Variants in IQGAP3 observed in about 807,000 individuals in gnomAD.
IQGAP3 encodes IQ motif containing GTPase activating protein 3.
A neutral mutation model predicts 208.2 loss-of-function variants in IQGAP3; 165 were observed. That is an observed-to-expected ratio of 0.79 (90% CI 0.70 to 0.90). The LOEUF (loss-of-function observed/expected upper bound fraction) is 0.90. Among genes scored for constraint, IQGAP3 ranks in the 40% least tolerant of loss-of-function variants. IQGAP3 has a pLI of 0.00. For missense variants in IQGAP3, 1,811 were observed against 2,043.1 expected (o/e 0.89, Z 2.19); for synonymous variants, 703 against 803.6 (o/e 0.87, Z 2.12).
At chr1:156,565,343 G>T (rs929214987) in intron 4 of IQGAP3, among the ~76,000 whole-genome samples, 1 of 152,208 alleles carries the variant, frequency 6.6e-6, no homozygotes, top group East Asian at 1.9e-4. Context: ...GACCTAGAGT[G>T]TTCCAGTCCC....
chr1:156,537,836 T>C (rs933167206), intron 26 of IQGAP3, among the ~76,000 whole-genome samples: 8 of 151,930 alleles, frequency 5.3e-5, no homozygotes, highest in Admixed American at 1.3e-4. Flanking sequence ...CATCTGTAAA[T>C]AGAAATATTC....
At chr1:156,551,457 T>C (rs1675542009) in intron 15 of IQGAP3, among the ~76,000 whole-genome samples, 1 of 152,168 alleles carries the variant, frequency 6.6e-6, no homozygotes, top group African/African-American at 2.4e-5. Flanking sequence ...CAAGGTCACA[T>C]GGTCACTAAG....
chr1:156,559,630 C>T (rs1676055405), intron 11 of IQGAP3, among the ~76,000 whole-genome samples: 1 of 152,178 alleles, frequency 6.6e-6, no homozygotes, highest in South Asian at 2.1e-4. Flanking sequence ...GGAGACAGCT[C>T]TGGAGAATGT....
chr1:156,547,994 G>A (rs1484541768), intron 19 of IQGAP3, 79 bp downstream of exon 19: 2 of 1,311,280 alleles, frequency 1.5e-6, no homozygotes, highest in Non-Finnish European at 2.1e-6. Context: ...TCCCATGTCA[G>A]TAAAAAGGAA....
chr1:156,533,162 C>T, intron 31 of IQGAP3, 56 bp from the exon 32 acceptor site: 1 of 1,584,594 alleles, frequency 6.3e-7, no homozygotes, highest in Non-Finnish European at 8.6e-7. Flanking sequence ...CATGCGCACA[C>T]ACACATACAC....
chr1:156,540,942 G>A (rs761035288), intron 22 of IQGAP3, 26 bp from the exon 23 acceptor site: 1 of 1,587,548 alleles, frequency 6.3e-7, no homozygotes. Flanking sequence ...GAGGCATCAG[G>A]ATTAGCCATG....
At chr1:156,530,371 A>C in intron 33 of IQGAP3, 54 bp from the exon 34 acceptor site, 1 of 1,497,748 alleles carries the variant, frequency 6.7e-7, no homozygotes. Flanking sequence ...TTCTGCTCCC[A>C]CACCAGTGAA....
At chr1:156,542,952 T>C (rs1571328589) in intron 22 of IQGAP3, among the ~76,000 whole-genome samples, 1 of 142,218 alleles carries the variant, frequency 7.0e-6, no homozygotes, top group South Asian at 2.4e-4. Flanking sequence ...AATAAACAAA[T>C]AAATAAATAA....
At chr1:156,569,328 G>C in intron 2 of IQGAP3, 48 bp downstream of exon 2, 1 of 1,231,286 alleles carries the variant, frequency 8.1e-7, no homozygotes, top group Non-Finnish European at 1.2e-6. Context: ...AGGGTGGGGT[G>C]GTAGAAAGGG....
In IQGAP3 at chr1:156,569,457, C is replaced by T. The variant is rs367752070; in HGVS notation, c.44G>A (p.Arg15His). The change falls in exon 2 of 38, where the codon CGC becomes CAC. Residue 15 changes from arginine to histidine, a missense_variant. By Grantham distance (29) the Arg-to-His change is conservative. Transcript: ENST00000361170. ...CTCATCCATCTCCTCAGCTGTGAGG[C>T]GTTCATCTGAGGAGTTAAACGGGAT... ...AAGPGWAAYE[R>H]LTAEEMDEQR... The T allele has an allele frequency of 5.5e-5, 88 of 1,592,772 alleles. No homozygotes were observed. The highest frequency in any genetic ancestry group is 6.9e-5 in the Non-Finnish European group (80 of 1,167,686).
At position 156,566,409 on chromosome 1, in the gene IQGAP3, A is replaced by T; in HGVS notation, c.263T>A (p.Val88Glu). The change falls in exon 3 of 38, where the codon GTG becomes GAG. Residue 88 changes from valine (V) to glutamate (E), a missense_variant. Transcript: ENST00000361170. ...TCCCACCTGGTACCGCAGCTGCTCC[A>T]CATCGTAGATCTTCTTCAAGGGAAC... Reference protein sequence around the residue: ...SVVPLKKIYDVEQLRYQATGL... With the variant: ...SVVPLKKIYDEEQLRYQATGL... 1 of 1,614,196 alleles carries T rather than the reference A, an allele frequency of 6.2e-7. No homozygotes were observed. Among genetic ancestry groups the T allele is most frequent in the Non-Finnish European group, 8.5e-7 (1 of 1,180,018 alleles).
At chr1:156,547,122 G>T (rs1398393873) in intron 19 of IQGAP3, among the ~76,000 whole-genome samples, 1 of 150,222 alleles carries the variant, frequency 6.7e-6, no homozygotes, top group Non-Finnish European at 1.5e-5. Flanking sequence ...TTCCTGGCTT[G>T]CTTGCACAGT....
chr1:156,570,880 T>C (rs759388425), intron 1 of IQGAP3, among the ~76,000 whole-genome samples: 18 of 152,158 alleles, frequency 1.2e-4, no homozygotes, highest in Admixed American at 3.3e-4. Context: ...AGCCCATGCA[T>C]AAAATCTATG....
At position 156,539,047 on chromosome 1, in the gene IQGAP3, G is replaced by C. The variant is rs1301656312; in HGVS notation, c.3057-14C>G. The C allele has an allele frequency of 1.2e-6, 2 of 1,607,174 alleles. No individual in the cohort carries two copies. The highest frequency in any genetic ancestry group is 4.5e-5 in the East Asian group (2 of 44,686). Reference sequence around the variant, plus strand: ...TCCACCTTTGACCTGTGGTTTAAGAGGTCATTGAAACCAGTCTTCTGCCTC... The same window carrying C: ...TCCACCTTTGACCTGTGGTTTAAGACGTCATTGAAACCAGTCTTCTGCCTC... On this transcript the variant is annotated splice_polypyrimidine_tract_variant and intron_variant, in intron 25 of 37. Coordinates refer to ENST00000361170, the MANE Select transcript of IQGAP3 (RefSeq NM_178229.5).
rs1557917213 is a variant in IQGAP3 at position 156,531,235 on chromosome 1, C to A, written c.4116G>T (p.Leu1372=). Residue 1372 remains leucine, a synonymous_variant, in exon 33 of 38, where the codon CTG becomes CTT. Transcript: ENST00000361170. ...GATGGAACTGTATGATATCGGCCAA[C>A]AGCTGCTTGGTGCTGCACAAGGAGG... The part of the protein sequence containing the change: ...TRSLLLSTKQ[L]LADIIQFHPG... 1 of 1,613,726 alleles carries A rather than the reference C, an allele frequency of 6.2e-7. No individual in the cohort carries two copies. The highest frequency in any genetic ancestry group is 8.5e-7 in the Non-Finnish European group (1 of 1,179,760).
Position 156,539,418 on chromosome 1 carries a change from A to C in IQGAP3, c.3012T>G (p.Tyr1004Ter). 1 of 1,614,084 alleles carries C rather than the reference A, an allele frequency of 6.2e-7. No individual in the cohort carries two copies. Among genetic ancestry groups the C allele is most frequent in the Non-Finnish European group, 8.5e-7 (1 of 1,179,998 alleles). The change falls in exon 25 of 38, where the codon TAT (tyrosine) becomes TAG (stop). Residue 1004 changes from tyrosine (Y) to a stop codon, truncating the protein, a stop_gained. Coordinates refer to ENST00000361170, the MANE Select transcript of IQGAP3 (RefSeq NM_178229.5). LOFTEE classifies it high-confidence loss of function. Reference sequence around the variant, plus strand: ...CTGTCTTGAACAGCTGGAGCAGGAGATAGGCCTCTCGGCGGCTGGAGGCAT... The same window carrying C: ...CTGTCTTGAACAGCTGGAGCAGGAGCTAGGCCTCTCGGCGGCTGGAGGCAT... Reference protein sequence around the residue: ...YNYASSRREAYLLLQLFKTAL... With the variant: ...YNYASSRREA
intron 27 of IQGAP3, chr1:156,536,861 T>A (rs1047125425): frequency 9.4e-6 from 2 of 212,326 alleles, no homozygotes; most frequent in African/African-American, 4.6e-5. Flanking sequence ...ATTTTTGATA[T>A]TGGGAACTGA....
chr1:156,528,949 C>T lies in IQGAP3; in HGVS notation c.4538G>A (p.Arg1513Gln), dbSNP rs769295448. Residue 1513 changes from arginine (R) to glutamine (Q), a missense_variant, in exon 35 of 38, where the codon CGG becomes CAG. Physicochemically the swap from Arg to Gln is conservative, Grantham distance 43. Transcript: ENST00000361170. ...EQGDYYSQYI[R>Q]ACLDHLAPDS... The stretch of plus-strand genomic sequence containing the variant: ...GGGGGCCAGGTGGTCCAGGCAGGCC[C>T]GGATGTACTGGCTGTAGTAGTCACC... 17 of 1,614,096 alleles carry T rather than the reference C, an allele frequency of 1.1e-5. No individual in the cohort carries two copies. The highest frequency in any genetic ancestry group is 8.8e-5 in the South Asian group (8 of 91,094).
chr1:156,560,952 C>T lies in IQGAP3; in HGVS notation c.1111G>A (p.Gly371Ser). The change falls in exon 11 of 38, where the codon GGT (glycine) becomes AGT (serine). Residue 371 changes from glycine (G) to serine (S), a missense_variant. Physicochemically the swap from Gly to Ser is moderately conservative, Grantham distance 56. Coordinates refer to ENST00000361170, the MANE Select transcript of IQGAP3 (RefSeq NM_178229.5). Reference protein sequence around the residue: ...QAGVAAANTKGDQEQAMLHAV... With the variant: ...QAGVAAANTKSDQEQAMLHAV... ...GACTTACTGGCTTGTTCCTGATCAC[C>T]CTTTGTGTTGGCTGCAGCCACACCA... is the stretch of plus-strand genomic sequence containing the variant. 5 of 1,613,616 alleles carry T rather than the reference C, an allele frequency of 3.1e-6. No homozygotes were observed. Among genetic ancestry groups the T allele is most frequent in the Non-Finnish European group, 4.2e-6 (5 of 1,179,704 alleles).
Sources: gnomAD v4.1 joint callset for allele counts (sites outside exome capture counted in the v4.1 genomes callset) on GRCh38, gnomAD v4.1.1 for gene constraint, MANE v1.5 for transcripts, NCBI Gene and HGNC (gene_info 2026-07-23, HGNC 2026-07-21) for gene names.